SI: variants seen among roughly 807,000 people sequenced by gnomAD.
SI encodes sucrase-isomaltase, intestinal.
A neutral mutation model predicts 253.3 loss-of-function variants in SI; 235 were observed. That is an observed-to-expected ratio of 0.93 (90% confidence interval 0.83 to 1.03). SI has a LOEUF of 1.03. SI is among the 50% of genes least tolerant of loss of function. The pLI, the probability that SI is intolerant of heterozygous loss-of-function variation, is 0.00. For synonymous variants in SI, 819 were observed against 712.0 expected (o/e 1.15, Z -2.39); for missense variants, 2,442 against 2,211.1 (o/e 1.10, Z -2.09).
rs183124999 is a variant in SI, at chr3:165,035,511, T to C, written c.2515+878A>G. 1.4e-4 allele frequency among the ~76,000 whole-genome samples: 22 copies of C among 151,764 alleles called. No homozygotes were observed. In the East Asian group the frequency reaches 4.1e-3, roughly 28 times the overall value. ...ATAGAATCCTGTGGTAATTTTTAAA[T>C]ATACACATTTTCAAAAATAAATAAA... On this transcript the variant is annotated intron_variant, in intron 22 of 47. Coordinates refer to ENST00000264382, the MANE Select transcript of SI (RefSeq NM_001041.4).
Position 164,979,420 on chromosome 3 carries a change from A to G in SI, c.5426T>C (p.Ile1809Thr). 1 of 1,531,684 alleles carries G rather than the reference A, an allele frequency of 6.5e-7. No individual in the cohort carries two copies. 94.9% of individuals were successfully genotyped at this position (1,531,684 alleles called of 1,614,324 possible). A position where few individuals can be genotyped will look rare whatever the true frequency, so the allele number is the denominator to read the frequency against. Residue 1809 changes from isoleucine (I) to threonine (T), a missense_variant, in exon 48 of 48, where the codon ATT (isoleucine) becomes ACT (threonine). Coordinates refer to ENST00000264382, the MANE Select transcript of SI (RefSeq NM_001041.4). ...AGTAACATTGTGTGTGGTCAGATCAATACGTAATATCTAAAAAAGTAAAAT... is the reference window on the plus strand; with the variant it reads ...AGTAACATTGTGTGTGGTCAGATCAGTACGTAATATCTAAAAAAGTAAAAT... ...NEDTTNMILR[I>T]DLTTHNVTLE...
Position 164,979,288 on chromosome 3 carries a change from G to T in SI, c.*74C>A. 1 of 881,350 alleles carries T rather than the reference G, an allele frequency of 1.1e-6. No individual in the cohort carries two copies. Among genetic ancestry groups the T allele is most frequent in the Non-Finnish European group, 1.9e-6 (1 of 519,032 alleles). 54.6% of individuals were successfully genotyped at this position (881,350 alleles called of 1,614,324 possible). A position where few individuals can be genotyped will look rare whatever the true frequency, so the allele number is the denominator to read the frequency against. On this transcript the variant is annotated 3_prime_UTR_variant, in exon 48 of 48. Coordinates refer to ENST00000264382, the MANE Select transcript of SI (RefSeq NM_001041.4). Reference sequence around the variant, plus strand: ...GTAGAGTACAAGAACCAAGTGAAGAGGGAAAATTGTAAGTGCTGTGAAACT... The same window carrying T: ...GTAGAGTACAAGAACCAAGTGAAGATGGAAAATTGTAAGTGCTGTGAAACT...
At chr3:165,074,150 A>C (rs1405613545) in intron 3 of SI, among the ~76,000 whole-genome samples, 1 of 152,086 alleles carries the variant, frequency 6.6e-6, no homozygotes, top group Non-Finnish European at 1.5e-5. Context: ...TTTTCCACAG[A>C]TACTTCTTAA....
chr3:164,991,922 C>T (rs771866869), intron 43 of SI, among the ~76,000 whole-genome samples: 1 of 151,968 alleles, frequency 6.6e-6, no homozygotes. Flanking sequence ...AGACAATTAT[C>T]TTTTTGTATG....
At chr3:164,989,097 A>AATAC (rs1236871618) in intron 44 of SI, among the ~76,000 whole-genome samples, 2 of 149,366 alleles carry the variant, frequency 1.3e-5, no homozygotes, top group African/African-American at 5.0e-5. Flanking sequence ...ATAATAAATA[A>AATAC]ATAAATAAAT....
chr3:164,987,699 C>A (rs1263247844), intron 44 of SI, among the ~76,000 whole-genome samples: 1 of 150,450 alleles, frequency 6.6e-6, no homozygotes, highest in Non-Finnish European at 1.5e-5. Context: ...CAGAGCAAGA[C>A]TCCATCAAAA....
chr3:165,017,181 G>T (rs1410272917), intron 31 of SI, among the ~76,000 whole-genome samples: 2 of 151,716 alleles, frequency 1.3e-5, no homozygotes, highest in African/African-American at 4.8e-5. Flanking sequence ...TTGTTCTCTG[G>T]TTGATGATAC....
chr3:165,049,306 C>A, intron 14 of SI, 62 bp from the exon 15 acceptor site: 1 of 958,390 alleles, frequency 1.0e-6, no homozygotes. Flanking sequence ...TATATATTTT[C>A]CATCATAAAT....
chr3:165,086,294 A>C, the SI span, among the ~76,000 whole-genome samples: 5 of 152,096 alleles, frequency 3.3e-5, no homozygotes, highest in African/African-American at 1.2e-4. Flanking sequence ...AATCCATGTT[A>C]CATGTCACCC....
chr3:165,045,943 C>T lies in SI; in HGVS notation c.1887+898G>A, dbSNP rs1713089270. On this transcript the variant is annotated intron_variant, in intron 16 of 47. Coordinates refer to ENST00000264382, the MANE Select transcript of SI (RefSeq NM_001041.4). Reference sequence around the variant, plus strand: ...CCACCTCCCAGGTTCAAACGATTCTCCTGCCTCAGCTTCCCAAGTAGCTGG... The same window carrying T: ...CCACCTCCCAGGTTCAAACGATTCTTCTGCCTCAGCTTCCCAAGTAGCTGG... Among the ~76,000 whole-genome samples the T allele has an allele frequency of 2.0e-5, 3 of 150,776 alleles. No homozygotes were observed. The South Asian group carries it at 6.3e-4, about 32-fold the overall frequency.
At chr3:165,075,417 AC>A (rs1714891297) in intron 2 of SI, among the ~76,000 whole-genome samples, 1 of 151,970 alleles carries the variant, frequency 6.6e-6, no homozygotes, top group South Asian at 2.1e-4. Flanking sequence ...AGATAATTAA[AC>A]TATCCAAGTC....
At chr3:165,083,605 T>C in the SI span, among the ~76,000 whole-genome samples, 2 of 152,012 alleles carry the variant, frequency 1.3e-5, no homozygotes, top group African/African-American at 4.8e-5. Flanking sequence ...TAGAGTAGCT[T>C]GTTTCATACT....
rs370336977 is a variant in SI at position 164,992,210 on chromosome 3, G to A, written c.4950C>T (p.Tyr1650=). The change falls in exon 43 of 48, where the codon TAC becomes TAT. Residue 1650 remains tyrosine (Y), a synonymous_variant. Transcript: ENST00000264382. ...AGTCAAACCACCGAGCATTGGGGAC[G>A]TAGGCATTTACAGTTTGAACATACT... ...LEPYVQTVNA[Y]VPNARWFDYH... 47 of 1,612,036 alleles carry A rather than the reference G, an allele frequency of 2.9e-5. No homozygotes were observed. The African/African-American group carries it at 3.2e-4, about 11-fold the overall frequency.
At chr3:165,053,542 C>G (rs1411375520) in intron 13 of SI, among the ~76,000 whole-genome samples, 1 of 152,104 alleles carries the variant, frequency 6.6e-6, no homozygotes, top group African/African-American at 2.4e-5. Context: ...GTTCACTGAT[C>G]TTTGAAATTA....
Position 165,017,574 on chromosome 3 carries a change from C to T in SI, c.3733G>A (p.Ala1245Thr), listed in dbSNP as rs544884997. ...TAGGGGATGTTAGCAGCCACCATAG[C>T]GTCATATAATTCCCGAACCTCTGAA... ...NTSEVRELYD[A>T]MVAANIPYDV... The change falls in exon 31 of 48, where the codon GCT (alanine) becomes ACT (threonine). Residue 1245 changes from alanine to threonine, a missense_variant. Coordinates refer to ENST00000264382, the MANE Select transcript of SI (RefSeq NM_001041.4). 3.3e-5 allele frequency: 53 copies of T among 1,612,166 alleles called. No individual in the cohort carries two copies. Among genetic ancestry groups the T allele is most frequent in the East Asian group, 1.6e-4 (7 of 44,754 alleles).
intron 16 of SI, among the ~76,000 whole-genome samples, chr3:165,046,399 ACG>A (rs1491069362): frequency 1.0e-5 from 1 of 97,650 alleles, no homozygotes; most frequent in Non-Finnish European, 2.3e-5. Context: ...GAAATTTTAA[ACG>A]TTTTTTTCTG....
intron 17 of SI, 94 bp from the exon 18 acceptor site, chr3:165,041,188 A>G (rs1249791516): frequency 9.3e-7 from 1 of 1,080,102 alleles, no homozygotes. Flanking sequence ...AAGCAACTAC[A>G]TAAATTTCAG....
chr3:165,036,300 TA>T (rs1328550655), intron 22 of SI, 88 bp downstream of exon 22: 1 of 842,778 alleles, frequency 1.2e-6, no homozygotes, highest in African/African-American at 1.7e-5. Flanking sequence ...AAATTCGTGA[TA>T]TTTAAAAAAT....
chr3:165,082,631 C>G (rs1423591214), upstream of SI, among the ~76,000 whole-genome samples: 1 of 151,934 alleles, frequency 6.6e-6, no homozygotes, highest in Non-Finnish European at 1.5e-5. Context: ...TTAAAGCTAT[C>G]CATAATTGCT....
Sources: allele counts gnomAD v4.1 joint callset (sites outside exome capture counted in the v4.1 genomes callset), GRCh38; gene constraint gnomAD v4.1.1; transcripts MANE v1.5; gene names NCBI Gene and HGNC (gene_info 2026-07-23, HGNC 2026-07-21).